IPO11: variants seen among roughly 807,000 people sequenced by gnomAD.
The protein encoded by IPO11 is importin 11.
IPO11 carries 66 observed loss-of-function variants against 143.2 expected under a neutral mutation model. That is an observed-to-expected ratio of 0.46 (90% confidence interval 0.38 to 0.57). The LOEUF (loss-of-function observed/expected upper bound fraction) is 0.57, where lower values mean the gene tolerates loss of function less well. Ranked by LOEUF, IPO11 falls within the 20% of genes least tolerant of loss-of-function variation. The probability of loss-of-function intolerance (pLI) is 0.00; values close to 1 mark genes in which losing one functional copy is unlikely to be tolerated. For missense variants in IPO11, 1,026 were observed against 1,141.0 expected, an observed-to-expected ratio of 0.90 and a Z score of 1.45; for synonymous variants, 385 against 377.8, an observed-to-expected ratio of 1.02 and a Z score of -0.22.
At position 62,490,222 on chromosome 5, in the gene IPO11, C is replaced by G. The variant is rs1580240388; in HGVS notation, c.1463+2C>G. The G allele has an allele frequency of 6.4e-7, 1 of 1,560,566 alleles. No homozygotes were observed. The highest frequency in any genetic ancestry group is 8.7e-7 in the Non-Finnish European group (1 of 1,148,228). The stretch of plus-strand genomic sequence containing the variant: ...AGAATTACAAGTCATTCACAATAGG[C>G]AAGTATAAAATTTTATATTTATTAT... On this transcript the variant is annotated splice_donor_variant, in intron 15 of 29. Transcript: ENST00000325324. LOFTEE classifies it high-confidence loss of function.
chr5:62,446,799 T>C (rs1382861462), intron 3 of IPO11, among the ~76,000 whole-genome samples: 1 of 151,986 alleles, frequency 6.6e-6, no homozygotes, highest in Admixed American at 6.6e-5. Context: ...TGACACTCCA[T>C]CTCTACTAAA....
intron 15 of IPO11, among the ~76,000 whole-genome samples, chr5:62,491,285 A>G (rs991459064): frequency 6.6e-6 from 1 of 152,216 alleles, no homozygotes; most frequent in Non-Finnish European, 1.5e-5. Flanking sequence ...TCAGTTATTC[A>G]ATCATTTATT....
chr5:62,582,202 C>G (rs577524415), intron 27 of IPO11, among the ~76,000 whole-genome samples: 2 of 152,036 alleles, frequency 1.3e-5, no homozygotes, highest in Admixed American at 1.3e-4. Context: ...ACAATAAAAC[C>G]GGAGCCAGAA....
chr5:62,483,914 TC>T (rs1262387079), intron 10 of IPO11, 95 bp from the exon 11 acceptor site: 8 of 1,029,286 alleles, frequency 7.8e-6, no homozygotes, highest in Non-Finnish European at 1.1e-5. Context: ...TGTATCTTCT[TC>T]CCTGAGAGTG....
At chr5:62,519,864 G>A (rs1386631280) in intron 20 of IPO11, among the ~76,000 whole-genome samples, 1 of 152,200 alleles carries the variant, frequency 6.6e-6, no homozygotes, top group Non-Finnish European at 1.5e-5. Context: ...CTTGTTGGCA[G>A]AGTTTAGTTC....
At chr5:62,624,530 G>A (rs1031674574) in intron 29 of IPO11, among the ~76,000 whole-genome samples, 38 of 152,102 alleles carry the variant, frequency 2.5e-4, no homozygotes, top group East Asian at 2.3e-3. Context: ...GGTTTTGGTG[G>A]GTTTTAGCCA....
chr5:62,529,619 C>G (rs181999865), intron 21 of IPO11, among the ~76,000 whole-genome samples: 317 of 152,264 alleles, frequency 2.1e-3, no homozygotes, highest in African/African-American at 7.2e-3. Context: ...ATATAACAAT[C>G]TATTCTTTGT....
intron 1 of IPO11, among the ~76,000 whole-genome samples, chr5:62,424,409 G>T (rs1743638280): frequency 6.6e-6 from 1 of 151,620 alleles, no homozygotes; most frequent in South Asian, 2.1e-4. Context: ...AAAGTGCTGG[G>T]ATTACGGGTG....
intron 27 of IPO11, among the ~76,000 whole-genome samples, chr5:62,587,149 G>A (rs369258116): frequency 6.6e-6 from 1 of 152,064 alleles, no homozygotes; most frequent in East Asian, 1.9e-4. Context: ...TAGTCTTGAA[G>A]ATAATGGTTT....
intron 24 of IPO11, among the ~76,000 whole-genome samples, chr5:62,540,467 C>G (rs1742893694): frequency 6.6e-6 from 1 of 152,176 alleles, no homozygotes; most frequent in African/African-American, 2.4e-5. Context: ...TTTGGCTTTT[C>G]TGCAACAATA....
intron 9 of IPO11, among the ~76,000 whole-genome samples, chr5:62,479,381 A>G (rs1486213295): frequency 1.3e-5 from 2 of 152,238 alleles, no homozygotes; most frequent in Non-Finnish European, 2.9e-5. Flanking sequence ...TATTGTGAAT[A>G]GCGCCACAAT....
intron 23 of IPO11, 55 bp from the exon 24 acceptor site, chr5:62,537,154 C>T (rs1362536684): frequency 5.7e-6 from 6 of 1,051,792 alleles, no homozygotes; most frequent in South Asian, 1.4e-5. Flanking sequence ...AATTTTATGC[C>T]TTTTTGATAT....
chr5:62,513,667 G>C (rs1363455405), intron 19 of IPO11, among the ~76,000 whole-genome samples: 1 of 146,256 alleles, frequency 6.8e-6, no homozygotes, highest in Non-Finnish European at 1.5e-5. Flanking sequence ...TCCCGGACAG[G>C]GCGGTTGGCC....
chr5:62,513,338 G>C, intron 19 of IPO11, among the ~76,000 whole-genome samples: 1 of 136,918 alleles, frequency 7.3e-6, no homozygotes, highest in South Asian at 2.4e-4. Flanking sequence ...CCTCCCAGAC[G>C]GGGCGGCTGG....
chr5:62,601,695 T>G lies in IPO11; in HGVS notation c.2679-69T>G, dbSNP rs1405872753. ...GAATTATTCATGTTCTTAGTGATTT[T>G]AAGGACTTATTTTTAAGTGTATTAT... On this transcript the variant is annotated intron_variant, in intron 28 of 29. Coordinates refer to ENST00000325324, the MANE Select transcript of IPO11 (RefSeq NM_016338.5). 3 of 723,640 alleles carry G rather than the reference T, an allele frequency of 4.1e-6. No individual in the cohort carries two copies. The African/African-American group carries it at 5.5e-5, about 13-fold the overall frequency. The allele number at this position is 723,640 out of a possible 1,614,324, so 44.8% of individuals were successfully genotyped here.
intron 29 of IPO11, among the ~76,000 whole-genome samples, chr5:62,607,302 A>G (rs951919812): frequency 6.6e-6 from 1 of 152,242 alleles, no homozygotes; most frequent in African/African-American, 2.4e-5. Flanking sequence ...AAACTATTTC[A>G]TAAGGTTTTC....
At chr5:62,480,901 CTTTCAT>C (rs1295317087) in intron 9 of IPO11, among the ~76,000 whole-genome samples, 33 of 134,958 alleles carry the variant, frequency 2.4e-4, no homozygotes, top group Middle Eastern at 3.7e-3. Context: ...TTGACTTCCT[CTTTCAT>C]TTTTTTTTTT....
intron 24 of IPO11, among the ~76,000 whole-genome samples, chr5:62,544,552 A>G (rs985319005): frequency 2.7e-4 from 41 of 152,244 alleles, no homozygotes; most frequent in Admixed American, 1.7e-3. Context: ...AGGCAGGGAT[A>G]CCCTGTCTCA....
At chr5:62,497,618 A>T (rs932342764) in intron 16 of IPO11, among the ~76,000 whole-genome samples, 1 of 152,154 alleles carries the variant, frequency 6.6e-6, no homozygotes, top group African/African-American at 2.4e-5. Flanking sequence ...ATAGGAGTGT[A>T]CCACTATGCC....
Sources: gnomAD v4.1 joint callset for allele counts (sites outside exome capture counted in the v4.1 genomes callset) on GRCh38, gnomAD v4.1.1 for gene constraint, MANE v1.5 for transcripts, NCBI Gene and HGNC (gene_info 2026-07-23, HGNC 2026-07-21) for gene names.